The following RALGPS2 variants were observed in gnomAD, a reference collection of about 807,000 sequenced individuals.
RALGPS2 encodes the protein Ral GEF with PH domain and SH3 binding motif 2.
A neutral mutation model predicts 86.8 loss-of-function variants in RALGPS2; 43 were observed. The ratio of observed to expected loss-of-function variants is 0.50; its 90% confidence interval spans 0.39 to 0.64. RALGPS2 has a LOEUF of 0.64. Ranked by LOEUF, RALGPS2 falls within the 30% of genes least tolerant of loss-of-function variation. The pLI is 0.00. For synonymous variants in RALGPS2, 243 were observed against 231.3 expected (o/e 1.05, Z -0.46); for missense variants, 536 against 694.6 (o/e 0.77, Z 2.57).
At chr1:178,806,739 T>C (rs1212644817) in intron 4 of RALGPS2, among the ~76,000 whole-genome samples, 1 of 152,146 alleles carries the variant, frequency 6.6e-6, no homozygotes, top group Admixed American at 6.6e-5. Context: ...CTTCTTTTTT[T>C]CTCAGTTTTC....
At chr1:178,914,934 A>C (rs2102425599) in intron 19 of RALGPS2, among the ~76,000 whole-genome samples, 1 of 152,292 alleles carries the variant, frequency 6.6e-6, no homozygotes, top group East Asian at 1.9e-4. Flanking sequence ...AATGTAATTT[A>C]GGGTATTAAG....
intron 4 of RALGPS2, among the ~76,000 whole-genome samples, chr1:178,793,678 C>T (rs1654062381): frequency 6.6e-6 from 1 of 152,034 alleles, no homozygotes; most frequent in Non-Finnish European, 1.5e-5. Flanking sequence ...ATCTCTAGCA[C>T]CTTAGAATAA....
intron 8 of RALGPS2, among the ~76,000 whole-genome samples, chr1:178,863,837 C>T (rs1057483292): frequency 1.3e-5 from 2 of 152,118 alleles, no homozygotes; most frequent in African/African-American, 4.8e-5. Flanking sequence ...CTGTGAATAG[C>T]GAAGTGGTAT....
At chr1:178,789,521 T>C (rs1653847563) in intron 4 of RALGPS2, among the ~76,000 whole-genome samples, 1 of 152,162 alleles carries the variant, frequency 6.6e-6, no homozygotes, top group South Asian at 2.1e-4. Flanking sequence ...TGCACCCTTG[T>C]GGAGAAAGGC....
chr1:178,874,592 T>C (rs1011136713), intron 8 of RALGPS2, among the ~76,000 whole-genome samples: 1 of 152,206 alleles, frequency 6.6e-6, no homozygotes, highest in African/African-American at 2.4e-5. Context: ...ACAGAATTCT[T>C]ATGAAACTCC....
chr1:178,774,019 T>C (rs1643498848), intron 1 of RALGPS2, among the ~76,000 whole-genome samples: 1 of 152,342 alleles, frequency 6.6e-6, no homozygotes, highest in Non-Finnish European at 1.5e-5. Context: ...GGCCTGCAGA[T>C]CACCTGAGGT....
At chr1:178,815,490 G>A (rs913035992) in intron 6 of RALGPS2, among the ~76,000 whole-genome samples, 6 of 151,832 alleles carry the variant, frequency 4.0e-5, no homozygotes, top group Admixed American at 6.6e-5. Flanking sequence ...CACTTTTTTC[G>A]TATTTTCTGA....
At chr1:178,797,985 T>TAAAAAAAAAAAAAAAAA (rs57049056) in intron 4 of RALGPS2, among the ~76,000 whole-genome samples, 1 of 95,420 alleles carries the variant, frequency 1.0e-5, no homozygotes, top group African/African-American at 3.9e-5. Context: ...CAACAATTTG[T>TAAAAAAAAAAAAAAAAA]AAAAAAAAAA....
chr1:178,757,489 T>G (rs1380948319), intron 1 of RALGPS2, among the ~76,000 whole-genome samples: 1 of 152,126 alleles, frequency 6.6e-6, no homozygotes, highest in East Asian at 1.9e-4. Context: ...TTTTTGAGGG[T>G]TTTTATCATA....
chr1:178,810,328 A>G (rs1654916009), intron 5 of RALGPS2, among the ~76,000 whole-genome samples: 1 of 152,140 alleles, frequency 6.6e-6, no homozygotes, highest in South Asian at 2.1e-4. Context: ...CAGAGGTTGC[A>G]GTTAGCCGAG....
chr1:178,726,245 GA>G (rs1401163310), intron 1 of RALGPS2: 2 of 152,262 alleles, frequency 1.3e-5, no homozygotes, highest in Non-Finnish European at 2.9e-5. Flanking sequence ...TGATTTGGAA[GA>G]AACGCGAGCC....
intron 1 of RALGPS2, among the ~76,000 whole-genome samples, chr1:178,768,245 C>G (rs1388560153): frequency 6.6e-6 from 1 of 152,110 alleles, no homozygotes; most frequent in Non-Finnish European, 1.5e-5. Flanking sequence ...GGTGGTGTCA[C>G]TGTATTCAGA....
At chr1:178,764,601 T>C (rs1019038226) in intron 1 of RALGPS2, among the ~76,000 whole-genome samples, 1 of 152,212 alleles carries the variant, frequency 6.6e-6, no homozygotes, top group Non-Finnish European at 1.5e-5. Context: ...CCAGTAACTG[T>C]TTTTCCTTTC....
chr1:178,775,232 A>G (rs1653022000), intron 1 of RALGPS2, among the ~76,000 whole-genome samples: 2 of 152,148 alleles, frequency 1.3e-5, no homozygotes, highest in Admixed American at 1.3e-4. Flanking sequence ...TAGATGAGAA[A>G]ACTGAGTACA....
At chr1:178,813,701 G>A (rs1478268860) in intron 6 of RALGPS2, among the ~76,000 whole-genome samples, 1 of 152,142 alleles carries the variant, frequency 6.6e-6, no homozygotes, top group Non-Finnish European at 1.5e-5. Context: ...TGTAGGGTAG[G>A]CCAACAGGCT....
chr1:178,903,272 T>TG (rs1407603474), intron 18 of RALGPS2, among the ~76,000 whole-genome samples: 1 of 152,192 alleles, frequency 6.6e-6, no homozygotes, highest in East Asian at 1.9e-4. Flanking sequence ...GCAAATATGT[T>TG]GGAGGCAGGA....
chr1:178,796,241 A>T (rs1350879993), intron 4 of RALGPS2, among the ~76,000 whole-genome samples: 1 of 152,168 alleles, frequency 6.6e-6, no homozygotes, highest in African/African-American at 2.4e-5. Flanking sequence ...GGAGGAAGGA[A>T]GAGAAAAGAG....
chr1:178,856,420 T>TTTTTTGTTG, intron 8 of RALGPS2, among the ~76,000 whole-genome samples: 1 of 120,566 alleles, frequency 8.3e-6, no homozygotes, highest in Admixed American at 8.3e-5. Context: ...TTTTTTTTTT[T>TTTTTTGTTG]TTTTTTGAGA....
At chr1:178,892,613 A>G (rs1659765556) in intron 15 of RALGPS2, among the ~76,000 whole-genome samples, 1 of 152,166 alleles carries the variant, frequency 6.6e-6, no homozygotes, top group Non-Finnish European at 1.5e-5. Flanking sequence ...AATGAACAAT[A>G]TAAAAATCTG....
Sources: allele counts gnomAD v4.1 joint callset (sites outside exome capture counted in the v4.1 genomes callset), GRCh38; gene constraint gnomAD v4.1.1; transcripts MANE v1.5; gene names NCBI Gene and HGNC (gene_info 2026-07-23, HGNC 2026-07-21).